STK33: variants seen among roughly 807,000 people sequenced by gnomAD.
STK33 encodes the protein serine/threonine-protein kinase 33.
STK33 carries 52 observed loss-of-function variants against 58.0 expected under a neutral mutation model. The ratio of observed to expected loss-of-function variants is 0.90; its 90% confidence interval spans 0.72 to 1.13. The LOEUF (loss-of-function observed/expected upper bound fraction) is 1.13. Among genes scored for constraint, STK33 ranks in the 50% most tolerant of loss-of-function variants. The pLI is 0.00. For missense variants in STK33, 630 were observed against 604.2 expected (o/e 1.04, Z -0.45); for synonymous variants, 215 against 200.1 (o/e 1.07, Z -0.63).
At position 8,413,526 on chromosome 11, in the gene STK33, T is replaced by C. The variant is rs367730444; in HGVS notation, c.1313A>G (p.Asn438Ser). The C allele has an allele frequency of 1.9e-5, 30 of 1,613,912 alleles. No homozygotes were observed. Among genetic ancestry groups the C allele is most frequent in the African/African-American group, 5.3e-5 (4 of 74,926 alleles). ...YQPWGNVPDA[N>S]YTSDEEEEKQ... ...TTCCTCCTCTTCATCTGAAGTGTAA[T>C]TGGCATCAGGGACATTTCCCCAGGG... The change falls in exon 15 of 16, where the codon AAT becomes AGT. Residue 438 changes from asparagine to serine, a missense_variant. Physicochemically the swap from Asn to Ser is conservative, Grantham distance 46. Transcript: ENST00000687296.
chr11:8,351,445 G>A, the STK33 span, among the ~76,000 whole-genome samples: 2 of 152,242 alleles, frequency 1.3e-5, no homozygotes, highest in Non-Finnish European at 2.9e-5. Context: ...CACCATGAGG[G>A]CCACAGGGGA....
chr11:8,490,845 G>C (rs982437360), intron 1 of STK33, among the ~76,000 whole-genome samples: 1 of 152,092 alleles, frequency 6.6e-6, no homozygotes, highest in African/African-American at 2.4e-5. Context: ...TGCAGCTAAG[G>C]GATCTGACTG....
At chr11:8,471,646 T>C (rs1355229338) in intron 6 of STK33, among the ~76,000 whole-genome samples, 1 of 152,166 alleles carries the variant, frequency 6.6e-6, no homozygotes, top group African/African-American at 2.4e-5. Context: ...GAGTATATTT[T>C]ATGGGGGAAT....
rs923788441 is a variant in STK33 at position 8,499,350 on chromosome 11, G to A, written c.-465-18736C>T. Among the ~76,000 whole-genome samples the A allele has an allele frequency of 3.3e-5, 5 of 152,278 alleles. No individual in the cohort carries two copies. In the South Asian group the frequency reaches 6.2e-4, roughly 19 times the overall value. On this transcript the variant is annotated intron_variant, in intron 1 of 15. Transcript: ENST00000687296. ...CATCATCACTGGTCATTAGAGAAAC[G>A]CAAATCAAAACCACAATGAGATACC...
At chr11:8,564,106 T>C (rs540358220) in intron 1 of STK33, among the ~76,000 whole-genome samples, 55 of 152,298 alleles carry the variant, frequency 3.6e-4, no homozygotes, top group South Asian at 1.0e-3. Context: ...TTGTAAAATA[T>C]GACTTTAGGG....
At chr11:8,377,403 A>C in the STK33 span, among the ~76,000 whole-genome samples, 1 of 152,272 alleles carries the variant, frequency 6.6e-6, no homozygotes, top group South Asian at 2.1e-4. Context: ...CAGAAAAAGT[A>C]TTCAACAAAA....
intron 1 of STK33, among the ~76,000 whole-genome samples, chr11:8,552,586 ATTT>A (rs1028290348): frequency 3.3e-5 from 5 of 151,756 alleles, no homozygotes; most frequent in African/African-American, 1.2e-4. Context: ...TTACTCATTT[ATTT>A]TTTTACTTTT....
intron 15 of STK33, among the ~76,000 whole-genome samples, chr11:8,399,554 AG>A (rs1379530252): frequency 6.6e-6 from 1 of 152,228 alleles, no homozygotes; most frequent in East Asian, 1.9e-4. Flanking sequence ...CACAATTAAA[AG>A]AACTAGAGAA....
At chr11:8,543,308 G>A (rs1049177500) in intron 1 of STK33, among the ~76,000 whole-genome samples, 2 of 152,044 alleles carry the variant, frequency 1.3e-5, no homozygotes, top group African/African-American at 4.8e-5. Flanking sequence ...TTTTAACTAT[G>A]GGAATTAAAA....
chr11:8,373,711 C>T, the STK33 span, among the ~76,000 whole-genome samples: 16 of 152,258 alleles, frequency 1.1e-4, no homozygotes, highest in Admixed American at 2.0e-4. Context: ...GCGGGATCAT[C>T]CCAGTGATTG....
intron 11 of STK33, among the ~76,000 whole-genome samples, chr11:8,450,605 A>AT (rs1487822306): frequency 3.0e-5 from 4 of 133,360 alleles, no homozygotes; most frequent in African/African-American, 5.3e-5. Flanking sequence ...GATTTTTATT[A>AT]TTTTTTCAAT....
At chr11:8,452,287 C>A (rs1327171098) in intron 11 of STK33, among the ~76,000 whole-genome samples, 1 of 152,044 alleles carries the variant, frequency 6.6e-6, no homozygotes, top group Non-Finnish European at 1.5e-5. Flanking sequence ...GTATGATTAC[C>A]TAAGAGATAT....
At chr11:8,492,728 A>G (rs1344707328) in intron 1 of STK33, among the ~76,000 whole-genome samples, 1 of 152,220 alleles carries the variant, frequency 6.6e-6, no homozygotes, top group Non-Finnish European at 1.5e-5. Flanking sequence ...GTAAAAGAAC[A>G]GAAATCACAA....
At chr11:8,485,972 T>A (rs892626608) in intron 1 of STK33, among the ~76,000 whole-genome samples, 1 of 152,176 alleles carries the variant, frequency 6.6e-6, no homozygotes, top group African/African-American at 2.4e-5. Context: ...CATTGACAAG[T>A]CCATTCTATT....
chr11:8,404,201 A>C (rs1006863144), intron 15 of STK33, among the ~76,000 whole-genome samples: 2 of 152,268 alleles, frequency 1.3e-5, no homozygotes, highest in African/African-American at 4.8e-5. Flanking sequence ...ACTTGCATAA[A>C]GATCTGGGTC....
chr11:8,346,910 T>C, the STK33 span, among the ~76,000 whole-genome samples: 7 of 152,342 alleles, frequency 4.6e-5, no homozygotes, highest in Non-Finnish European at 5.9e-5. Flanking sequence ...TAAGATTTTA[T>C]ACATTCAAGA....
At chr11:8,559,049 T>C (rs1956955069) in intron 1 of STK33, among the ~76,000 whole-genome samples, 2 of 152,208 alleles carry the variant, frequency 1.3e-5, no homozygotes, top group South Asian at 2.1e-4. Context: ...ATAATTCACA[T>C]GGCCAAACCC....
intron 1 of STK33, among the ~76,000 whole-genome samples, chr11:8,537,689 G>T (rs1241816101): frequency 6.7e-6 from 1 of 149,534 alleles, no homozygotes; most frequent in African/African-American, 2.5e-5. Flanking sequence ...GGCAGATCAA[G>T]ACCAGGAGTT....
intron 10 of STK33, among the ~76,000 whole-genome samples, chr11:8,453,547 G>A (rs1946526769): frequency 1.3e-5 from 2 of 152,202 alleles, no homozygotes; most frequent in African/African-American, 4.8e-5. Context: ...CAAATACACT[G>A]GTGGCCTAGT....
Sources: allele counts gnomAD v4.1 joint callset (sites outside exome capture counted in the v4.1 genomes callset), GRCh38; gene constraint gnomAD v4.1.1; transcripts MANE v1.5; gene names NCBI Gene and HGNC (gene_info 2026-07-23, HGNC 2026-07-21).